The following ASPH variants were observed in gnomAD, a reference collection of about 807,000 sequenced individuals.
ASPH encodes the protein aspartyl/asparaginyl beta-hydroxylase.
In ASPH, 100 loss-of-function variants were observed where a neutral mutation model predicts 118.4. That is an observed-to-expected ratio of 0.84 (90% CI 0.72 to 1.00). The LOEUF is 1.00. Among genes scored for constraint, ASPH ranks in the 50% least tolerant of loss-of-function variants. The probability of loss-of-function intolerance (pLI) is 0.00; values close to 1 mark genes in which losing one functional copy is unlikely to be tolerated. For synonymous variants in ASPH, 315 were observed against 325.6 expected (o/e 0.97, Z 0.35); for missense variants, 920 against 919.5 (o/e 1.00, Z -0.01).
At chr8:61,642,745 T>A (rs759776260) in intron 10 of ASPH, 143 bp downstream of exon 10, 228 of 657,740 alleles carry the variant, frequency 3.5e-4, no homozygotes, top group Non-Finnish European at 4.7e-4. Flanking sequence ...CTCAGGAGGC[T>A]GAGGCAAGAG....
At chr8:61,574,250 G>A (rs949196993) in intron 16 of ASPH, among the ~76,000 whole-genome samples, 1 of 152,168 alleles carries the variant, frequency 6.6e-6, no homozygotes, top group African/African-American at 2.4e-5. Context: ...ATTGTTGGTG[G>A]GAGCATAAAT....
chr8:61,586,112 T>C (rs967367525), intron 14 of ASPH, among the ~76,000 whole-genome samples: 35 of 152,146 alleles, frequency 2.3e-4, no homozygotes, highest in Admixed American at 1.3e-4. Flanking sequence ...GATGATCCCT[T>C]TCCTTGACTT....
intron 1 of ASPH, among the ~76,000 whole-genome samples, chr8:61,701,568 T>C (rs1589305872): frequency 6.6e-6 from 1 of 152,244 alleles, no homozygotes; most frequent in African/African-American, 2.4e-5. Flanking sequence ...GATTGAAACA[T>C]TGGGCTATGT....
At chr8:61,544,552 T>C (rs1043955482) in intron 21 of ASPH, among the ~76,000 whole-genome samples, 1 of 152,166 alleles carries the variant, frequency 6.6e-6, no homozygotes, top group African/African-American at 2.4e-5. Context: ...TAGGCCTTCC[T>C]CTCCTGGTGC....
At chr8:61,646,977 C>T in intron 5 of ASPH, 99 bp from the exon 6 acceptor site, 2 of 1,508,382 alleles carry the variant, frequency 1.3e-6, no homozygotes, top group Non-Finnish European at 1.8e-6. Context: ...CTGGGGCTTC[C>T]CCTGCCCCTC....
intron 17 of ASPH, 104 bp from the exon 18 acceptor site, chr8:61,562,984 C>A: frequency 8.4e-7 from 1 of 1,191,806 alleles, no homozygotes; most frequent in Admixed American, 3.4e-5. Context: ...AGCCTGAGAA[C>A]CAGCTCAAAT....
At chr8:61,586,884 C>A (rs556347378) in intron 14 of ASPH, among the ~76,000 whole-genome samples, 75 of 152,308 alleles carry the variant, frequency 4.9e-4, no homozygotes, top group African/African-American at 1.7e-3. Flanking sequence ...AGCATGCACA[C>A]TGAGCTGAGC....
intron 13 of ASPH, among the ~76,000 whole-genome samples, chr8:61,630,015 T>A (rs572874228): frequency 6.6e-6 from 1 of 152,252 alleles, no homozygotes; most frequent in South Asian, 2.1e-4. Flanking sequence ...TAAAGGTCAA[T>A]CCACAGAACG....
chr8:61,544,726 T>C (rs1227321490), intron 21 of ASPH, among the ~76,000 whole-genome samples: 1 of 152,216 alleles, frequency 6.6e-6, no homozygotes, highest in Non-Finnish European at 1.5e-5. Flanking sequence ...TAGAAGGTCA[T>C]ACAATGAACC....
intron 14 of ASPH, among the ~76,000 whole-genome samples, chr8:61,592,926 G>T (rs1200608239): frequency 2.0e-5 from 3 of 152,160 alleles, no homozygotes; most frequent in Non-Finnish European, 2.9e-5. Context: ...AAACATTCAA[G>T]AATTCAAGAA....
intron 1 of ASPH, among the ~76,000 whole-genome samples, chr8:61,713,194 T>C (rs1397895009): frequency 2.0e-5 from 3 of 152,262 alleles, no homozygotes; most frequent in Non-Finnish European, 4.4e-5. Flanking sequence ...TTTAATGCAC[T>C]ACTTTCCCCA....
chr8:61,687,407 T>C (rs773978743), intron 1 of ASPH: 3 of 152,260 alleles, frequency 2.0e-5, no homozygotes, highest in Non-Finnish European at 2.9e-5. Context: ...CACCTTTACC[T>C]AGAATTTGTT....
chr8:61,503,623 C>T, intron 24 of ASPH, 114 bp from the exon 25 acceptor site: 2 of 982,252 alleles, frequency 2.0e-6, no homozygotes, highest in East Asian at 2.9e-5. Context: ...TGGGACATAA[C>T]CAAATAACTA....
At chr8:61,597,681 C>T (rs1320154112) in intron 14 of ASPH, among the ~76,000 whole-genome samples, 1 of 152,076 alleles carries the variant, frequency 6.6e-6, no homozygotes, top group African/African-American at 2.4e-5. Flanking sequence ...AGAATAACAG[C>T]ATATTTCTCA....
At chr8:61,689,883 T>C in intron 1 of ASPH, 1 of 1,309,062 alleles carries the variant, frequency 7.6e-7, no homozygotes, top group Non-Finnish European at 9.8e-7. Flanking sequence ...TCACCAGTTA[T>C]TTTTAGAGGC....
intron 22 of ASPH, among the ~76,000 whole-genome samples, chr8:61,520,446 G>T (rs1812522537): frequency 6.6e-6 from 1 of 152,150 alleles, no homozygotes; most frequent in African/African-American, 2.4e-5. Flanking sequence ...TAAAATAAGA[G>T]TTACAAAAAA....
chr8:61,713,030 G>C (rs1179794011), intron 1 of ASPH, among the ~76,000 whole-genome samples: 3 of 152,208 alleles, frequency 2.0e-5, no homozygotes, highest in Non-Finnish European at 4.4e-5. Flanking sequence ...GCAGGTTTAA[G>C]TAAGTGACAT....
intron 18 of ASPH, among the ~76,000 whole-genome samples, chr8:61,560,208 T>A (rs1374812382): frequency 6.6e-6 from 1 of 151,884 alleles, no homozygotes; most frequent in African/African-American, 2.4e-5. Context: ...GGCGGGTGAG[T>A]CAGGAGTGGC....
intron 5 of ASPH, among the ~76,000 whole-genome samples, chr8:61,647,836 T>C (rs530382166): frequency 6.6e-6 from 1 of 152,348 alleles, no homozygotes; most frequent in Non-Finnish European, 1.5e-5. Flanking sequence ...TTCTATGATA[T>C]ATTGAACTGC....
Sources: allele counts gnomAD v4.1 joint callset (sites outside exome capture counted in the v4.1 genomes callset), GRCh38; gene constraint gnomAD v4.1.1; transcripts MANE v1.5; gene names NCBI Gene and HGNC (gene_info 2026-07-23, HGNC 2026-07-21).